The following KPNA2 variants were observed in gnomAD, a reference collection of about 807,000 sequenced individuals.
The protein encoded by KPNA2 is importin subunit alpha-1.
A neutral mutation model predicts 53.7 loss-of-function variants in KPNA2; 20 were observed. The observed-to-expected ratio is 0.37, with a 90% CI of 0.26 to 0.54. The LOEUF (loss-of-function observed/expected upper bound fraction) is 0.54, where lower values mean the gene tolerates loss of function less well. Among genes scored for constraint, KPNA2 ranks in the 20% least tolerant of loss-of-function variants. The pLI is 0.83. For missense variants in KPNA2, 515 were observed against 640.3 expected (o/e 0.80, Z 2.11); for synonymous variants, 238 against 227.5 (o/e 1.05, Z -0.42).
chr17:68,042,617 TCACGCCTGTAATCC>T (rs1175165097), intron 5 of KPNA2, among the ~76,000 whole-genome samples: 1 of 152,128 alleles, frequency 6.6e-6, no homozygotes, highest in Non-Finnish European at 1.5e-5. Flanking sequence ...GCATGGTGGC[TCACGCCTGTAATCC>T]CAGCACTTTG....
chr17:68,043,388 G>A lies in KPNA2; in HGVS notation c.930+25G>A, dbSNP rs782010888. 7 of 1,609,882 alleles carry A rather than the reference G, an allele frequency of 4.3e-6. No individual in the cohort carries two copies. The South Asian group carries it at 5.5e-5, about 13-fold the overall frequency. ...GGTAAGTTATTTACTTGTAGATTAG[G>A]ACATAAGTATAAGAAGCATGATCAG... On this transcript the variant is annotated intron_variant, in intron 7 of 10. Coordinates refer to ENST00000330459, the MANE Select transcript of KPNA2 (RefSeq NM_002266.4).
chr17:68,036,431 T>C (rs1444094873), intron 1 of KPNA2: 23 of 152,306 alleles, frequency 1.5e-4, no homozygotes, highest in African/African-American at 5.5e-4. Flanking sequence ...TTGACCATAA[T>C]GTAATGATGA....
At position 68,046,559 on chromosome 17, in the gene KPNA2, A is replaced by C. The variant is rs1555705443; in HGVS notation, c.1553A>C (p.Gln518Pro). 1.2e-6 allele frequency: 2 copies of C among 1,612,244 alleles called. No homozygotes were observed. Among genetic ancestry groups the C allele is most frequent in the East Asian group, 4.5e-5 (2 of 44,820 alleles). ...PETTSEGYTF[Q>P]VQDGAPGTFN... ...ACTACCTCTGAAGGCTACACTTTCC[A>C]AGTTCAGGATGGGGCTCCTGGGACC... Residue 518 changes from glutamine to proline, a missense_variant, in exon 11 of 11, where the codon CAA (glutamine) becomes CCA (proline). Transcript: ENST00000330459.
intron 3 of KPNA2, among the ~76,000 whole-genome samples, chr17:68,038,481 C>A (rs1190251719): frequency 6.6e-6 from 1 of 152,180 alleles, no homozygotes; most frequent in Admixed American, 6.6e-5. Flanking sequence ...TCAGGACTTT[C>A]CTTCTGAAAT....
intron 6 of KPNA2, 23 bp from the exon 7 acceptor site, chr17:68,043,077 A>C (rs1361368993): frequency 1.2e-6 from 2 of 1,613,462 alleles, no homozygotes; most frequent in Non-Finnish European, 1.7e-6. Context: ...AGAACCTCTC[A>C]TTGCCTATTT....
rs1555704823 is a variant in KPNA2, at chr17:68,042,973, G to A, written c.640G>A (p.Ala214Thr). 1.2e-6 allele frequency: 2 copies of A among 1,613,344 alleles called. No homozygotes were observed. The highest frequency in any genetic ancestry group is 2.2e-5 in the East Asian group (1 of 44,876). ...GAVDPLLALL[A>T]VPDMSSLACG... is the part of the protein sequence containing the mutation. ...AGTTGACCCACTGTTGGCTCTCCTTGCAGTTCCTGATATGTCATCTTTAGC... is the reference window on the plus strand; with the variant it reads ...AGTTGACCCACTGTTGGCTCTCCTTACAGTTCCTGATATGTCATCTTTAGC... Residue 214 changes from alanine (A) to threonine (T), a missense_variant, in exon 6 of 11, where the codon GCA (alanine) becomes ACA (threonine). By Grantham distance (58) the Ala-to-Thr change is moderately conservative. Transcript: ENST00000330459.
intron 5 of KPNA2, 137 bp from the exon 6 acceptor site, chr17:68,042,768 G>A (rs1165420754): frequency 1.4e-6 from 1 of 708,762 alleles, no homozygotes; most frequent in Admixed American, 2.4e-5. Flanking sequence ...TGAGGCTGAG[G>A]CAGGAGAATG....
At chr17:68,042,546 T>G (rs1260309500) in intron 5 of KPNA2, among the ~76,000 whole-genome samples, 193 bp downstream of exon 5, 1 of 152,214 alleles carries the variant, frequency 6.6e-6, no homozygotes, top group Non-Finnish European at 1.5e-5. Flanking sequence ...TGCTGGTGCA[T>G]TCAGTCACTG....
At chr17:68,046,425 G>A (rs1360990743) in intron 10 of KPNA2, 79 bp from the exon 11 acceptor site, 4 of 832,148 alleles carry the variant, frequency 4.8e-6, no homozygotes, top group Non-Finnish European at 7.9e-6. Flanking sequence ...AAGACCTAGA[G>A]ATTAAATACA....
chr17:68,045,691 A>G, intron 9 of KPNA2, 81 bp from the exon 10 acceptor site: 1 of 1,030,046 alleles, frequency 9.7e-7, no homozygotes, highest in Non-Finnish European at 1.4e-6. Context: ...CTGACGTATC[A>G]ATATTCAAAT....
chr17:68,040,438 C>A (rs759974325), intron 3 of KPNA2, among the ~76,000 whole-genome samples: 4 of 151,858 alleles, frequency 2.6e-5, no homozygotes, highest in African/African-American at 9.7e-5. Flanking sequence ...CCTTTTTTAG[C>A]GACAAAACAC....
intron 5 of KPNA2, 42 bp from the exon 6 acceptor site, chr17:68,042,863 C>CA (rs76104168): frequency 8.0e-3 from 8,977 of 1,117,274 alleles, no homozygotes; most frequent in African/African-American, 0.024. Context: ...AACTCCGTCT[C>CA]AAAAAAAAAA....
rs1555704947 is a variant in KPNA2, at chr17:68,043,413, G to A, written c.930+50G>A. ...GACATAAGTATAAGAAGCATGATCA[G>A]GGCTGGGCGTGGTAGTGGTGGCTCA... On this transcript the variant is annotated intron_variant, in intron 7 of 10. Transcript: ENST00000330459. The A allele has an allele frequency of 1.1e-5, 17 of 1,578,812 alleles. No individual in the cohort carries two copies. In the East Asian group the frequency reaches 3.8e-4, roughly 35 times the overall value.
chr17:68,042,939 G>A lies in KPNA2; in HGVS notation c.606G>A (p.Lys202=). The stretch of plus-strand genomic sequence containing the variant: ...CAGTGTTCCGAGACTTGGTTATTAA[G>A]TACGGTGCAGTTGACCCACTGTTGG... ...DGSVFRDLVI[K]YGAVDPLLAL... is the part of the protein sequence containing the mutation. The change falls in exon 6 of 11, where the codon AAG becomes AAA. Residue 202 remains lysine, a synonymous_variant. Coordinates refer to ENST00000330459, the MANE Select transcript of KPNA2 (RefSeq NM_002266.4). 1.2e-6 allele frequency: 2 copies of A among 1,612,576 alleles called. No individual in the cohort carries two copies. The highest frequency in any genetic ancestry group is 8.5e-7 in the Non-Finnish European group (1 of 1,179,564).
intron 7 of KPNA2, 32 bp from the exon 8 acceptor site, chr17:68,043,806 T>C: frequency 1.5e-6 from 2 of 1,378,326 alleles, no homozygotes; most frequent in Non-Finnish European, 2.1e-6. Context: ...GGGGAAAAAA[T>C]AACCAGCATC....
intron 4 of KPNA2, among the ~76,000 whole-genome samples, chr17:68,041,566 A>C: frequency 6.6e-6 from 1 of 152,144 alleles, no homozygotes; most frequent in African/African-American, 2.4e-5. Flanking sequence ...TCAAAAAATA[A>C]ATAAATAAAA....
chr17:68,036,737 G>A (rs1465858118), intron 1 of KPNA2, among the ~76,000 whole-genome samples: 3 of 152,226 alleles, frequency 2.0e-5, no homozygotes, highest in African/African-American at 7.2e-5. Flanking sequence ...GAAGATGTCA[G>A]TTATTTTATA....
intron 4 of KPNA2, among the ~76,000 whole-genome samples, 182 bp downstream of exon 4, chr17:68,040,948 C>G (rs2071253323): frequency 6.6e-6 from 1 of 152,120 alleles, no homozygotes; most frequent in African/African-American, 2.4e-5. Flanking sequence ...TGCTATTTTG[C>G]CCAGGCTGGC....
At chr17:68,039,988 G>A (rs1240098779) in intron 3 of KPNA2, among the ~76,000 whole-genome samples, 1 of 151,600 alleles carries the variant, frequency 6.6e-6, no homozygotes, top group African/African-American at 2.4e-5. Flanking sequence ...GCTGAGGCAG[G>A]AGAATCGCTT....
Sources: gnomAD v4.1 joint callset for allele counts (sites outside exome capture counted in the v4.1 genomes callset) on GRCh38, gnomAD v4.1.1 for gene constraint, MANE v1.5 for transcripts, NCBI Gene and HGNC (gene_info 2026-07-23, HGNC 2026-07-21) for gene names.